Variants in ANO4 observed in about 807,000 individuals in gnomAD.
ANO4 encodes anoctamin-4.
A neutral mutation model predicts 141.9 loss-of-function variants in ANO4; 69 were observed. The ratio of observed to expected loss-of-function variants is 0.49; its 90% CI spans 0.40 to 0.59. The LOEUF (loss-of-function observed/expected upper bound fraction) is 0.59, where lower values mean the gene tolerates loss of function less well. ANO4 is among the 20% of genes least tolerant of loss of function. ANO4 has a pLI of 0.00. For missense variants in ANO4, 894 were observed against 1,162.2 expected, an observed-to-expected ratio of 0.77 and a Z score of 3.36; for synonymous variants, 350 against 394.3, an observed-to-expected ratio of 0.89 and a Z score of 1.33.
At chr12:100,718,274 A>T (rs553640850) in intron 1 of ANO4, among the ~76,000 whole-genome samples, 1 of 152,226 alleles carries the variant, frequency 6.6e-6, no homozygotes, top group Non-Finnish European at 1.5e-5. Context: ...CTTCTTATCA[A>T]CGTTCTTGCT....
intron 8 of ANO4, among the ~76,000 whole-genome samples, chr12:101,001,683 G>C (rs1011872554): frequency 6.6e-6 from 1 of 152,068 alleles, no homozygotes. Context: ...AATGGAACAC[G>C]GAGGAGTAAG....
At chr12:101,001,892 C>T (rs942033892) in intron 8 of ANO4, among the ~76,000 whole-genome samples, 6 of 152,172 alleles carry the variant, frequency 3.9e-5, no homozygotes, top group South Asian at 4.1e-4. Context: ...ATGTCTTTGT[C>T]TGTGGGGAAA....
intron 7 of ANO4, among the ~76,000 whole-genome samples, chr12:100,981,507 G>GAGAAA (rs773670654): frequency 1.6e-4 from 25 of 152,094 alleles, no homozygotes; most frequent in South Asian, 6.2e-4. Flanking sequence ...GAAAAGAAAA[G>GAGAAA]AGAAAAGAAA....
At chr12:101,053,254 C>A (rs2047947596) in intron 14 of ANO4, among the ~76,000 whole-genome samples, 1 of 152,076 alleles carries the variant, frequency 6.6e-6, no homozygotes. Flanking sequence ...CTTTGCCAGG[C>A]AGAGTAGTGG....
chr12:100,937,913 A>T lies in ANO4; in HGVS notation c.161-1402A>T, dbSNP rs1179665400. On this transcript the variant is annotated intron_variant, in intron 3 of 27. Coordinates refer to ENST00000392977, the MANE Select transcript of ANO4 (RefSeq NM_001286615.2). ...CCCTCTTCTTAAGACCCTTGTAATT[A>T]CATCAGGCCTACCTATATACTCTAA... is the stretch of plus-strand genomic sequence containing the variant. Among the ~76,000 whole-genome samples, 3 of 152,268 alleles carry T rather than the reference A, an allele frequency of 2.0e-5. No individual in the cohort carries two copies. In the East Asian group the frequency reaches 5.8e-4, roughly 29 times the overall value.
chr12:100,816,785 C>T (rs115034194), intron 1 of ANO4, among the ~76,000 whole-genome samples: 2,684 of 151,962 alleles, frequency 0.018, 55 homozygotes, highest in African/African-American at 0.05. Context: ...AGTTTCTGCA[C>T]TTATTTTCAA....
intron 3 of ANO4, among the ~76,000 whole-genome samples, chr12:100,785,299 T>G (rs1441725003): frequency 2.0e-5 from 3 of 152,168 alleles, no homozygotes; most frequent in Non-Finnish European, 4.4e-5. Flanking sequence ...GTATGGTATA[T>G]TCTATGGGTT....
At chr12:101,124,711 A>T (rs929419563) in intron 26 of ANO4, among the ~76,000 whole-genome samples, 6 of 152,162 alleles carry the variant, frequency 3.9e-5, no homozygotes, top group Middle Eastern at 3.2e-3. Flanking sequence ...TCCCAAAACC[A>T]TTTATTAAGT....
chr12:100,922,343 C>CA lies in ANO4; in HGVS notation c.160+16dup. 6.6e-7 allele frequency: 1 copy of CA among 1,505,916 alleles called. No individual in the cohort carries two copies. Among genetic ancestry groups the CA allele is most frequent in the African/African-American group, 1.4e-5 (1 of 71,890 alleles). 93.3% of individuals were successfully genotyped at this position (1,505,916 alleles called of 1,614,324 possible). ...GCAATACAAGAAAGTAAGTTTCACTCAAATTTTAAATTCGCCGTGAGAGAA... is the reference window on the plus strand; with the variant it reads ...GCAATACAAGAAAGTAAGTTTCACTCAAAATTTTAAATTCGCCGTGAGAGAA... On this transcript the variant is annotated intron_variant, in intron 3 of 27. Transcript: ENST00000392977.
At chr12:101,067,639 C>G (rs2048646478) in intron 14 of ANO4, among the ~76,000 whole-genome samples, 1 of 152,144 alleles carries the variant, frequency 6.6e-6, no homozygotes, top group Non-Finnish European at 1.5e-5. Context: ...GCCGAGGTTG[C>G]ACCACTTCAC....
chr12:100,782,471 A>G (rs1475266687), intron 3 of ANO4, among the ~76,000 whole-genome samples: 2 of 152,096 alleles, frequency 1.3e-5, no homozygotes, highest in African/African-American at 2.4e-5. Context: ...CTTCTGCATC[A>G]TTGCATTTAT....
At chr12:100,806,851 T>C (rs977272892) in intron 1 of ANO4, among the ~76,000 whole-genome samples, 2 of 152,100 alleles carry the variant, frequency 1.3e-5, no homozygotes, top group African/African-American at 4.8e-5. Flanking sequence ...AGGAGCTCTT[T>C]ATATACTAGA....
chr12:101,104,859 A>G (rs11110657), intron 22 of ANO4, among the ~76,000 whole-genome samples: 34,627 of 151,156 alleles, frequency 0.23, 4,110 homozygotes, highest in Admixed American at 0.29. Flanking sequence ...CTAGTTACAT[A>G]CTTGAAATCC....
exon 3 of ANO4, chr12:100,740,095 A>G: frequency 1.4e-6 from 1 of 702,500 alleles, no homozygotes; most frequent in Non-Finnish European, 2.6e-6. Flanking sequence ...CCCTGAGTCA[A>G]GACACAACAG....
intron 1 of ANO4, among the ~76,000 whole-genome samples, chr12:100,827,917 TG>T (rs553426437): frequency 4.3e-4 from 66 of 151,944 alleles, no homozygotes; most frequent in African/African-American, 1.5e-3. Context: ...ATATATATGT[TG>T]GGGGGAAGCT....
intron 1 of ANO4, among the ~76,000 whole-genome samples, chr12:100,801,079 CTGTT>C (rs2034653180): frequency 6.8e-6 from 1 of 147,714 alleles, no homozygotes; most frequent in Non-Finnish European, 1.5e-5. Flanking sequence ...ACCTTACAGA[CTGTT>C]TGTCTACTTG....
chr12:100,835,596 A>G (rs2036869418), intron 1 of ANO4, among the ~76,000 whole-genome samples: 1 of 152,132 alleles, frequency 6.6e-6, no homozygotes, highest in Admixed American at 6.6e-5. Context: ...AAGGTAGTTG[A>G]TTATTTTACT....
chr12:100,998,122 C>T (rs1314683514), intron 8 of ANO4, among the ~76,000 whole-genome samples: 1 of 152,002 alleles, frequency 6.6e-6, no homozygotes, highest in African/African-American at 2.4e-5. Flanking sequence ...GAAGGCAGAC[C>T]CACCCTTAAT....
chr12:100,780,109 G>A (rs879773761), intron 3 of ANO4, among the ~76,000 whole-genome samples: 1 of 151,818 alleles, frequency 6.6e-6, no homozygotes, highest in African/African-American at 2.4e-5. Context: ...CTGCAGCCTC[G>A]AAATCCTGGA....
Sources: gnomAD v4.1 joint callset for allele counts (sites outside exome capture counted in the v4.1 genomes callset) on GRCh38, gnomAD v4.1.1 for gene constraint, MANE v1.5 for transcripts, NCBI Gene and HGNC (gene_info 2026-07-23, HGNC 2026-07-21) for gene names.